Variants in ZDHHC11B observed in about 807,000 individuals in gnomAD.
The protein encoded by ZDHHC11B is probable palmitoyltransferase ZDHHC11B.
Under a neutral mutation model 42.3 loss-of-function variants are expected in ZDHHC11B, and 17 were observed. The ratio of observed to expected loss-of-function variants is 0.40; its 90% CI spans 0.27 to 0.60. ZDHHC11B has a LOEUF of 0.60. Among genes scored for constraint, ZDHHC11B ranks in the 20% least tolerant of loss-of-function variants. The pLI, the probability that ZDHHC11B is intolerant of heterozygous loss-of-function variation, is 0.41. For missense variants in ZDHHC11B, 262 were observed against 463.2 expected (o/e 0.57, Z 3.99); for synonymous variants, 123 against 193.5 (o/e 0.64, Z 3.02).
chr5:753,037 C>G (rs1235593426), intron 6 of ZDHHC11B, among the ~76,000 whole-genome samples: 3 of 127,406 alleles, frequency 2.4e-5, no homozygotes, highest in African/African-American at 7.5e-5. Context: ...GTTAGCACAG[C>G]CTCCTGCCCC....
chr5:729,645 A>C (rs1742862610), intron 12 of ZDHHC11B, among the ~76,000 whole-genome samples: 1 of 150,892 alleles, frequency 6.6e-6, no homozygotes, highest in African/African-American at 2.4e-5. Context: ...GGTTGTATTA[A>C]ATGGTTCTAG....
rs183526201 is a variant in ZDHHC11B at position 778,561 on chromosome 5, C to G, written c.-230+6107G>C. 1.9e-3 allele frequency among the ~76,000 whole-genome samples: 288 copies of G among 151,852 alleles called. 4 individuals are homozygous for G. The highest frequency in any genetic ancestry group is 3.7e-3 in the Non-Finnish European group (248 of 67,836). On this transcript the variant is annotated intron_variant, in intron 1 of 13. Coordinates refer to ENST00000508859, the MANE Select transcript of ZDHHC11B (RefSeq NM_001351303.2). ...AGGACCCTGCCCTGCCCCGCCCCAG[C>G]CCACTCACTGCCCTTGGGTTACCCT...
chr5:732,979 C>T (rs1203614945), intron 11 of ZDHHC11B, among the ~76,000 whole-genome samples: 3 of 151,730 alleles, frequency 2.0e-5, no homozygotes, highest in African/African-American at 7.3e-5. Flanking sequence ...ATTGCTTGAG[C>T]CCAGGAGTTG....
At chr5:760,789 C>T (rs867310071) in intron 4 of ZDHHC11B, among the ~76,000 whole-genome samples, 4 of 151,770 alleles carry the variant, frequency 2.6e-5, no homozygotes, top group African/African-American at 9.7e-5. Flanking sequence ...CACATGTGCA[C>T]CACTCCGGAC....
chr5:772,987 G>A (rs1320578770), intron 1 of ZDHHC11B, among the ~76,000 whole-genome samples: 5 of 151,960 alleles, frequency 3.3e-5, no homozygotes, highest in Admixed American at 3.3e-4. Flanking sequence ...GCCGCTGTGG[G>A]AAGACAGCCA....
chr5:716,465 C>T (rs1160438990), intron 13 of ZDHHC11B, among the ~76,000 whole-genome samples: 2 of 151,832 alleles, frequency 1.3e-5, no homozygotes, highest in African/African-American at 2.4e-5. Context: ...GGCAGGTGTT[C>T]ATTATTTAAA....
intron 4 of ZDHHC11B, among the ~76,000 whole-genome samples, chr5:760,581 C>T (rs1274553945): frequency 9.2e-5 from 14 of 151,772 alleles, no homozygotes; most frequent in South Asian, 2.1e-4. Flanking sequence ...CCCCAGGACA[C>T]GCCGCGGCCA....
At chr5:726,445 G>A (rs1398903872) in intron 12 of ZDHHC11B, among the ~76,000 whole-genome samples, 2 of 145,518 alleles carry the variant, frequency 1.4e-5, no homozygotes, top group Non-Finnish European at 3.0e-5. Flanking sequence ...TTGTAAACTC[G>A]TGTGGTGTTG....
At chr5:779,857 TAGG>T (rs1158242938) in intron 1 of ZDHHC11B, among the ~76,000 whole-genome samples, 2 of 148,846 alleles carry the variant, frequency 1.3e-5, no homozygotes, top group East Asian at 2.0e-4. Flanking sequence ...AACCCCAGGG[TAGG>T]AGATGTTTGC....
In ZDHHC11B at chr5:727,233, C is replaced by T. The variant is rs1342519282; in HGVS notation, c.1058+3201G>A. On this transcript the variant is annotated intron_variant, in intron 12 of 13. Transcript: ENST00000508859. ...TCTGGCGCTGCCCCCAGCACGTTTC[C>T]GTGAAGGACGGAGCTTCTGGGGCAA... 2.3e-4 allele frequency among the ~76,000 whole-genome samples: 30 copies of T among 131,534 alleles called. 1 individual carries two copies. The highest frequency in any genetic ancestry group is 7.2e-4 in the African/African-American group (27 of 37,462). The allele number at this position is 131,534 out of a possible 152,430, so 86.3% of individuals were successfully genotyped here.
intron 4 of ZDHHC11B, among the ~76,000 whole-genome samples, chr5:765,608 T>A (rs1327238488): frequency 1.3e-5 from 2 of 151,902 alleles, no homozygotes; most frequent in African/African-American, 4.8e-5. Flanking sequence ...ACTGCTTGGG[T>A]TCTCTTCCAC....
rs535572379 is a variant in ZDHHC11B, at chr5:777,356, T to C, written c.-230+7312A>G. On this transcript the variant is annotated intron_variant, in intron 1 of 13. Transcript: ENST00000508859. ...TTACGCCTCTCAGAGACAGCGCGTC[T>C]GGAGCTGTTCGCTCCCTCCGGTGGG... Among the ~76,000 whole-genome samples, 117 of 151,908 alleles carry C rather than the reference T, an allele frequency of 7.7e-4. 1 individual carries two copies. Among genetic ancestry groups the C allele is most frequent in the African/African-American group, 2.7e-3 (112 of 41,408 alleles).
chr5:778,128 G>A (rs1736697676), intron 1 of ZDHHC11B, among the ~76,000 whole-genome samples: 1 of 151,924 alleles, frequency 6.6e-6, no homozygotes, highest in Non-Finnish European at 1.5e-5. Context: ...ACGGGTCTGA[G>A]ATGGCTGTCC....
chr5:775,087 A>G (rs867765156), intron 1 of ZDHHC11B, among the ~76,000 whole-genome samples: 28 of 150,966 alleles, frequency 1.9e-4, no homozygotes, highest in Non-Finnish European at 2.5e-4. Flanking sequence ...CCTCCCTGGG[A>G]CCTGAGACCT....
intron 1 of ZDHHC11B, among the ~76,000 whole-genome samples, chr5:781,334 T>C (rs145318188): frequency 0.4 from 2,960 of 7,362 alleles, 27 homozygotes; most frequent in African/African-American, 0.48. Flanking sequence ...CCTGGCCCCA[T>C]TGACTGATGA....
chr5:714,103 C>T (rs1474746956), intron 13 of ZDHHC11B, among the ~76,000 whole-genome samples: 5 of 133,278 alleles, frequency 3.8e-5, no homozygotes, highest in South Asian at 2.3e-4. Context: ...CACATGGACA[C>T]GGACACGCGC....
chr5:760,849 C>T (rs1403608291), intron 4 of ZDHHC11B, among the ~76,000 whole-genome samples: 4 of 151,622 alleles, frequency 2.6e-5, no homozygotes, highest in African/African-American at 7.3e-5. Flanking sequence ...GCTGCGTCCC[C>T]ACCTACAGGG....
intron 1 of ZDHHC11B, among the ~76,000 whole-genome samples, chr5:775,761 G>A (rs1434809018): frequency 6.6e-6 from 1 of 151,720 alleles, no homozygotes; most frequent in East Asian, 1.9e-4. Flanking sequence ...GGCCATGCTG[G>A]CTCAGATGCC....
chr5:778,145 C>G (rs183183724), intron 1 of ZDHHC11B, among the ~76,000 whole-genome samples: 9 of 151,986 alleles, frequency 5.9e-5, no homozygotes, highest in African/African-American at 1.9e-4. Flanking sequence ...GTCCAAGGCC[C>G]AAGTGAGAAT....
Sources: gnomAD v4.1 joint callset for allele counts (sites outside exome capture counted in the v4.1 genomes callset) on GRCh38, gnomAD v4.1.1 for gene constraint, MANE v1.5 for transcripts, NCBI Gene and HGNC (gene_info 2026-07-23, HGNC 2026-07-21) for gene names.